The following RYR2 variants were observed in gnomAD, a reference collection of about 807,000 sequenced individuals.
The protein encoded by RYR2 is cardiac muscle ryanodine receptor-calcium release channel.
A neutral mutation model predicts 601.1 loss-of-function variants in RYR2; 227 were observed. The observed-to-expected ratio is 0.38, with a 90% confidence interval of 0.34 to 0.42. The LOEUF is 0.42. Among genes scored for constraint, RYR2 ranks in the 10% least tolerant of loss-of-function variants. The pLI is 1.00. For missense variants in RYR2, 4,646 were observed against 6,156.5 expected (o/e 0.75, Z 8.21); for synonymous variants, 2,223 against 2,175.1 (o/e 1.02, Z -0.61).
At chr1:237,110,769 C>T (rs892368522) in intron 1 of RYR2, among the ~76,000 whole-genome samples, 1 of 152,220 alleles carries the variant, frequency 6.6e-6, no homozygotes, top group African/African-American at 2.4e-5. Context: ...CTGAAACCTC[C>T]TGCTGTGGAC....
At chr1:237,282,879 T>G (rs1328769968) in intron 2 of RYR2, among the ~76,000 whole-genome samples, 2 of 152,226 alleles carry the variant, frequency 1.3e-5, no homozygotes, top group Non-Finnish European at 2.9e-5. Flanking sequence ...CCAAGTGTTC[T>G]GCTGAGGGGT....
At position 237,176,433 on chromosome 1, in the gene RYR2, A is replaced by G. The variant is rs1304318078; in HGVS notation, c.49-94064A>G. Among the ~76,000 whole-genome samples, 3 of 151,750 alleles carry G rather than the reference A, an allele frequency of 2.0e-5. 1 individual carries two copies. The highest frequency in any genetic ancestry group is 4.1e-4 in the South Asian group (2 of 4,828). On this transcript the variant is annotated intron_variant, in intron 1 of 104. Coordinates refer to ENST00000366574, the MANE Select transcript of RYR2 (RefSeq NM_001035.3). Reference sequence around the variant, plus strand: ...TTTACTTTAAAATATGCTATCATTTATAAACATGTATGGTTCTTATGAAAA... The same window carrying G: ...TTTACTTTAAAATATGCTATCATTTGTAAACATGTATGGTTCTTATGAAAA...
intron 42 of RYR2, among the ~76,000 whole-genome samples, chr1:237,632,426 A>G (rs1967581): frequency 0.44 from 62,067 of 141,822 alleles, 13,426 homozygotes; most frequent in African/African-American, 0.56. Context: ...ACGGAGTCTC[A>G]GTCTCTTGCC....
chr1:237,577,519 TGTGTGTGTGTGTGTGTGCGTGTGTGTGTG>T (rs1559055111), intron 29 of RYR2, among the ~76,000 whole-genome samples: 28 of 70,448 alleles, frequency 4.0e-4, no homozygotes, highest in African/African-American at 1.0e-3. Context: ...TGTGTGTGTG[TGTGTGTGTGTGTGTGTGCGTGTGTGTGTG>T]TTTGAGAGAG....
At chr1:237,594,465 T>G (rs536277456) in intron 33 of RYR2, among the ~76,000 whole-genome samples, 1 of 152,256 alleles carries the variant, frequency 6.6e-6, no homozygotes, top group African/African-American at 2.4e-5. Context: ...GAAGAGCTCT[T>G]TACATAAGTT....
chr1:237,182,181 G>A (rs1490068852), intron 1 of RYR2, among the ~76,000 whole-genome samples: 5 of 151,900 alleles, frequency 3.3e-5, no homozygotes, highest in African/African-American at 1.2e-4. Flanking sequence ...GAGTACAGTG[G>A]CGCGATCTTG....
intron 15 of RYR2, 127 bp downstream of exon 15, chr1:237,454,701 C>T: frequency 1.2e-6 from 1 of 811,416 alleles, no homozygotes; most frequent in Non-Finnish European, 2.0e-6. Flanking sequence ...AAGTATACTA[C>T]TGAACAGGAG....
intron 29 of RYR2, among the ~76,000 whole-genome samples, chr1:237,586,245 C>T (rs1842087): frequency 0.27 from 41,481 of 152,080 alleles, 6,149 homozygotes; most frequent in East Asian, 0.61. Flanking sequence ...TCTCTCTCTA[C>T]AGTTTATTTT....
At chr1:237,528,324 A>C (rs185094956) in intron 24 of RYR2, among the ~76,000 whole-genome samples, 1 of 152,148 alleles carries the variant, frequency 6.6e-6, no homozygotes, top group Non-Finnish European at 1.5e-5. Flanking sequence ...TACTGTGTCT[A>C]ATTCATATGT....
chr1:237,057,508 A>G (rs903009740), intron 1 of RYR2, among the ~76,000 whole-genome samples: 1 of 152,140 alleles, frequency 6.6e-6, no homozygotes, highest in Non-Finnish European at 1.5e-5. Context: ...TGATGTGATC[A>G]TTATGGGAGT....
intron 3 of RYR2, among the ~76,000 whole-genome samples, chr1:237,337,680 T>C (rs1697378926): frequency 6.6e-6 from 1 of 152,210 alleles, no homozygotes; most frequent in African/African-American, 2.4e-5. Context: ...GCTGTCATCA[T>C]TGTGATGGTC....
intron 1 of RYR2, among the ~76,000 whole-genome samples, chr1:237,254,745 C>A (rs1687784304): frequency 6.6e-6 from 1 of 152,176 alleles, no homozygotes; most frequent in African/African-American, 2.4e-5. Flanking sequence ...TGAATAAATA[C>A]ATTTAATGTT....
intron 1 of RYR2, among the ~76,000 whole-genome samples, chr1:237,233,616 C>T (rs547094326): frequency 6.6e-6 from 1 of 152,200 alleles, no homozygotes; most frequent in Admixed American, 6.5e-5. Flanking sequence ...GCATGTCAGT[C>T]AAGAGTAATG....
chr1:237,521,244 A>G (rs1474626386), intron 24 of RYR2, among the ~76,000 whole-genome samples: 2 of 152,292 alleles, frequency 1.3e-5, no homozygotes, highest in Non-Finnish European at 2.9e-5. Context: ...ACAAAGGCAC[A>G]ACAAAAAAGA....
In RYR2 at chr1:237,635,002, G is replaced by A. The variant is rs1399431580; in HGVS notation, c.6792+10G>A. The A allele has an allele frequency of 1.3e-6, 2 of 1,520,224 alleles. No homozygotes were observed. Among genetic ancestry groups the A allele is most frequent in the South Asian group, 1.3e-5 (1 of 76,960 alleles). The allele number at this position is 1,520,224 out of a possible 1,614,324, so 94.2% of individuals were successfully genotyped here. On this transcript the variant is annotated intron_variant, in intron 44 of 104. Coordinates refer to ENST00000366574, the MANE Select transcript of RYR2 (RefSeq NM_001035.3). ...GCCGGATCTAGAAAAGGTGAGCAAT[G>A]TTCCTGCCCTGTGTGTTTGTCTGAA...
intron 80 of RYR2, among the ~76,000 whole-genome samples, chr1:237,751,313 A>G (rs1186107720): frequency 6.6e-6 from 1 of 152,166 alleles, no homozygotes; most frequent in African/African-American, 2.4e-5. Context: ...TTAAATCAAT[A>G]TTGCATTTAG....
chr1:237,620,762 G>T (rs1203202895), intron 38 of RYR2, among the ~76,000 whole-genome samples: 1 of 151,598 alleles, frequency 6.6e-6, no homozygotes, highest in East Asian at 1.9e-4. Context: ...AAACAACAAA[G>T]CAAAATATGT....
At chr1:237,064,769 T>A (rs1204009717) in intron 1 of RYR2, among the ~76,000 whole-genome samples, 1 of 148,724 alleles carries the variant, frequency 6.7e-6, no homozygotes, top group Non-Finnish European at 1.5e-5. Flanking sequence ...TTTTTTTTTT[T>A]TTTTTTTTTT....
intron 8 of RYR2, among the ~76,000 whole-genome samples, chr1:237,378,991 C>A (rs138079482): frequency 2.0e-5 from 3 of 152,080 alleles, no homozygotes; most frequent in African/African-American, 7.2e-5. Context: ...AGTCACCATG[C>A]GAATTTCTAG....
Sources: gnomAD v4.1 joint callset for allele counts (sites outside exome capture counted in the v4.1 genomes callset) on GRCh38, gnomAD v4.1.1 for gene constraint, MANE v1.5 for transcripts, NCBI Gene and HGNC (gene_info 2026-07-23, HGNC 2026-07-21) for gene names.